FBN2: variants seen among roughly 807,000 people sequenced by gnomAD.
FBN2 encodes the protein fibrillin 2.
A neutral mutation model predicts 355.6 loss-of-function variants in FBN2; 105 were observed. The observed-to-expected ratio is 0.30, with a 90% CI of 0.25 to 0.35. FBN2 has a LOEUF of 0.35. FBN2 is among the 10% of genes least tolerant of loss of function. The probability of loss-of-function intolerance (pLI) is 1.00; values close to 1 mark genes in which losing one functional copy is unlikely to be tolerated. For missense variants in FBN2, 3,280 were observed against 3,758.7 expected (o/e 0.87, Z 3.33); for synonymous variants, 1,350 against 1,301.2 (o/e 1.04, Z -0.81).
At chr5:128,497,594 G>A (rs570070295) in intron 5 of FBN2, among the ~76,000 whole-genome samples, 1 of 152,228 alleles carries the variant, frequency 6.6e-6, no homozygotes, top group Non-Finnish European at 1.5e-5. Flanking sequence ...AAGTATAGTC[G>A]ATCTAGACTT....
At chr5:128,293,457 A>G (rs531273906) in intron 48 of FBN2, among the ~76,000 whole-genome samples, 1 of 152,022 alleles carries the variant, frequency 6.6e-6, no homozygotes, top group African/African-American at 2.4e-5. Context: ...ATGCCACTGC[A>G]CTCCAGCCTG....
rs932186345 is a variant in FBN2, at chr5:128,380,111, C to T, written c.1604-1221G>A. Among the ~76,000 whole-genome samples, 10 of 152,000 alleles carry T rather than the reference C, an allele frequency of 6.6e-5. 1 individual carries two copies. The highest frequency in any genetic ancestry group is 6.6e-4 in the Admixed American group (10 of 15,236). On this transcript the variant is annotated intron_variant, in intron 11 of 64. Transcript: ENST00000262464. ...AGGACTAAATCCTTTTCCATCCATCCAAGGACCCCTTCAGCCCATAAAGAC... is the reference window on the plus strand; with the variant it reads ...AGGACTAAATCCTTTTCCATCCATCTAAGGACCCCTTCAGCCCATAAAGAC...
intron 20 of FBN2, among the ~76,000 whole-genome samples, chr5:128,352,070 C>G (rs1377788402): frequency 1.3e-5 from 2 of 152,108 alleles, no homozygotes; most frequent in Non-Finnish European, 2.9e-5. Flanking sequence ...CAATATTTCT[C>G]CAGCTGAAGA....
chr5:128,318,089 AG>A, intron 36 of FBN2, 59 bp downstream of exon 36: 1 of 1,559,386 alleles, frequency 6.4e-7, no homozygotes, highest in Non-Finnish European at 8.8e-7. Context: ...TTCATTATCA[AG>A]AGAGTCTGAA....
At chr5:128,501,587 C>A (rs944890583) in intron 5 of FBN2, among the ~76,000 whole-genome samples, 4 of 151,842 alleles carry the variant, frequency 2.6e-5, no homozygotes, top group Non-Finnish European at 4.4e-5. Flanking sequence ...AATGAGAAAA[C>A]AAAAGAAAAT....
chr5:128,478,086 T>TAC (rs1316251253), intron 5 of FBN2, among the ~76,000 whole-genome samples: 4 of 152,200 alleles, frequency 2.6e-5, no homozygotes, highest in African/African-American at 9.6e-5. Flanking sequence ...TTTCAGTAGG[T>TAC]ACTCCACGGC....
At chr5:128,325,109 T>C (rs1195261245) in intron 34 of FBN2, among the ~76,000 whole-genome samples, 3 of 152,330 alleles carry the variant, frequency 2.0e-5, no homozygotes, top group East Asian at 1.9e-4. Flanking sequence ...GAGAGTTCTG[T>C]AGATCTCTAT....
chr5:128,263,693 G>A (rs1302399642), intron 62 of FBN2, 37 bp from the exon 63 acceptor site: 4 of 1,505,828 alleles, frequency 2.7e-6, no homozygotes, highest in Non-Finnish European at 3.7e-6. Flanking sequence ...ACACGGGGAA[G>A]CAGGCAAGAG....
chr5:128,348,678 G>T (rs1751250311), intron 23 of FBN2, among the ~76,000 whole-genome samples: 1 of 151,516 alleles, frequency 6.6e-6, no homozygotes, highest in Admixed American at 6.6e-5. Flanking sequence ...TAGCTTATTG[G>T]GGGAAAAAAA....
At chr5:128,282,935 G>C (rs1581186325) in intron 55 of FBN2, among the ~76,000 whole-genome samples, 1 of 152,064 alleles carries the variant, frequency 6.6e-6, no homozygotes, top group Non-Finnish European at 1.5e-5. Flanking sequence ...ATCTCAAATG[G>C]GTACATGATC....
chr5:128,348,681 G>T (rs953582496), intron 23 of FBN2, among the ~76,000 whole-genome samples: 3 of 151,176 alleles, frequency 2.0e-5, no homozygotes, highest in African/African-American at 7.3e-5. Flanking sequence ...CTTATTGGGG[G>T]AAAAAAAATC....
chr5:128,378,387 T>C (rs1351373351), intron 12 of FBN2, among the ~76,000 whole-genome samples: 4 of 152,132 alleles, frequency 2.6e-5, no homozygotes, highest in African/African-American at 7.2e-5. Context: ...GTGGTGGGTG[T>C]AGCACTGAAG....
In FBN2 at chr5:128,328,705, A is replaced by T. The variant is rs1323350877; in HGVS notation, c.4462T>A (p.Ser1488Thr). 1.2e-6 allele frequency: 2 copies of T among 1,614,028 alleles called. No homozygotes were observed. Among genetic ancestry groups the T allele is most frequent in the Non-Finnish European group, 1.7e-6 (2 of 1,180,024 alleles). ...MGFTPASDSR[S>T]CQDIDECSFQ... ...AATCCTGGTGACCCACCTTGGCAGGATCTGCTGTCTGAGGCTGGAGTGAAG... is the reference window on the plus strand; with the variant it reads ...AATCCTGGTGACCCACCTTGGCAGGTTCTGCTGTCTGAGGCTGGAGTGAAG... Residue 1488 changes from serine to threonine, a missense_variant, in exon 34 of 65, where the codon TCC (serine) becomes ACC (threonine). Around this residue, in one of 6 missense-constraint regions of FBN2, gnomAD observed 2,284 missense variants for 2,749.5 expected, o/e 0.83. Transcript: ENST00000262464.
chr5:128,476,227 CA>C (rs1755003400), intron 5 of FBN2, among the ~76,000 whole-genome samples: 1 of 151,872 alleles, frequency 6.6e-6, no homozygotes, highest in Admixed American at 6.6e-5. Flanking sequence ...ATAAAAATGA[CA>C]AAAGGAAAAC....
intron 15 of FBN2, among the ~76,000 whole-genome samples, chr5:128,373,818 A>T (rs1454308766): frequency 1.3e-5 from 2 of 152,144 alleles, no homozygotes; most frequent in Non-Finnish European, 2.9e-5. Flanking sequence ...CATGGGATCA[A>T]TTTGACAAAA....
At chr5:128,383,128 G>C (rs974180010) in intron 11 of FBN2, among the ~76,000 whole-genome samples, 1 of 152,064 alleles carries the variant, frequency 6.6e-6, no homozygotes, top group Non-Finnish European at 1.5e-5. Context: ...CAGACAGGGG[G>C]AACACTGGCA....
In FBN2 at chr5:128,316,303, C is replaced by A. The variant is rs116723611; in HGVS notation, c.4717+1846G>T. ...TGTATCCATTGGACATAATGTTGAA[C>A]ATTGACAAAAATAACAGCTAGGATG... On this transcript the variant is annotated intron_variant, in intron 36 of 64. Transcript: ENST00000262464. Among the ~76,000 whole-genome samples, 1,512 of 152,222 alleles carry A rather than the reference C, an allele frequency of 9.9e-3. 24 individuals are homozygous for A. The highest frequency in any genetic ancestry group is 0.034 in the African/African-American group (1,425 of 41,542).
intron 17 of FBN2, among the ~76,000 whole-genome samples, chr5:128,366,130 G>C (rs1561420372): frequency 6.8e-6 from 1 of 147,252 alleles, no homozygotes; most frequent in Non-Finnish European, 1.5e-5. Context: ...GAAATCAGGA[G>C]AGTAGTTTGT....
intron 5 of FBN2, among the ~76,000 whole-genome samples, chr5:128,483,931 A>C (rs924477846): frequency 1.3e-5 from 2 of 152,154 alleles, no homozygotes; most frequent in African/African-American, 2.4e-5. Flanking sequence ...CTGGTGTCTG[A>C]CTTCAGTGCT....
Sources: gnomAD v4.1 joint callset for allele counts (sites outside exome capture counted in the v4.1 genomes callset) on GRCh38, gnomAD v4.1.1 for gene constraint, gnomAD v4.1.1 regional missense constraint, MANE v1.5 for transcripts, NCBI Gene and HGNC (gene_info 2026-07-23, HGNC 2026-07-21) for gene names.